CARMIL1: variants seen among roughly 807,000 people sequenced by gnomAD.
CARMIL1 encodes the protein capping protein regulator and myosin 1 linker 1.
A neutral mutation model predicts 177.1 loss-of-function variants in CARMIL1; 90 were observed. That is an observed-to-expected ratio of 0.51 (90% CI 0.43 to 0.61). CARMIL1 has a LOEUF of 0.61. Ranked by LOEUF, CARMIL1 falls within the 20% of genes least tolerant of loss-of-function variation. CARMIL1 has a pLI of 0.00. For synonymous variants in CARMIL1, 577 were observed against 606.2 expected, an observed-to-expected ratio of 0.95 and a Z score of 0.71; for missense variants, 1,380 against 1,667.0, an observed-to-expected ratio of 0.83 and a Z score of 3.00.
chr6:25,572,702 C>CAAA (rs35085655), intron 29 of CARMIL1, among the ~76,000 whole-genome samples: 153 of 53,088 alleles, frequency 2.9e-3, no homozygotes, highest in South Asian at 0.011. Flanking sequence ...GACCTTGTCT[C>CAAA]AAAAAAAAAA....
intron 24 of CARMIL1, among the ~76,000 whole-genome samples, chr6:25,532,831 A>G (rs1423591501): frequency 6.6e-6 from 1 of 152,212 alleles, no homozygotes; most frequent in African/African-American, 2.4e-5. Flanking sequence ...CGTATAGTAA[A>G]TACTTTAGGC....
At chr6:25,478,016 T>C (rs1801736759) in intron 11 of CARMIL1, among the ~76,000 whole-genome samples, 1 of 151,986 alleles carries the variant, frequency 6.6e-6, no homozygotes, top group Admixed American at 6.6e-5. Context: ...CTACCACACC[T>C]GGCTAATTTT....
intron 2 of CARMIL1, among the ~76,000 whole-genome samples, chr6:25,300,683 A>G (rs889452328): frequency 5.9e-5 from 9 of 152,232 alleles, no homozygotes; most frequent in African/African-American, 2.2e-4. Context: ...AAATCAAAGC[A>G]TAGGAGACCT....
chr6:25,532,368 C>T (rs994849459), intron 24 of CARMIL1, among the ~76,000 whole-genome samples: 6 of 152,036 alleles, frequency 3.9e-5, no homozygotes, highest in Admixed American at 3.9e-4. Flanking sequence ...CACACAAGAG[C>T]AGTATGTGGA....
intron 2 of CARMIL1, among the ~76,000 whole-genome samples, chr6:25,388,671 A>T (rs540437422): frequency 1.3e-5 from 2 of 151,164 alleles, no homozygotes; most frequent in African/African-American, 4.9e-5. Context: ...GCCTTTTTTT[A>T]TTTTATTTTA....
intron 2 of CARMIL1, among the ~76,000 whole-genome samples, chr6:25,362,629 G>C (rs9348673): frequency 6.6e-6 from 1 of 152,052 alleles, no homozygotes; most frequent in Non-Finnish European, 1.5e-5. Context: ...AGCTGAGATC[G>C]TGCTATTGCA....
At chr6:25,547,237 T>A (rs1488365631) in intron 26 of CARMIL1, among the ~76,000 whole-genome samples, 1 of 152,136 alleles carries the variant, frequency 6.6e-6, no homozygotes, top group Admixed American at 6.6e-5. Context: ...CAGATGTCAG[T>A]TTTTCCTCAA....
chr6:25,317,561 A>G (rs1429331210), intron 2 of CARMIL1, among the ~76,000 whole-genome samples: 1 of 71,604 alleles, frequency 1.4e-5, no homozygotes, highest in Non-Finnish European at 2.4e-5. Flanking sequence ...TTTACTTAGG[A>G]CTTTTTTTTT....
chr6:25,570,433 G>C (rs569959839), intron 29 of CARMIL1, among the ~76,000 whole-genome samples: 94 of 152,274 alleles, frequency 6.2e-4, no homozygotes, highest in African/African-American at 2.1e-3. Context: ...TAAGAAAAAT[G>C]TATTAAATTT....
chr6:25,593,068 C>T (rs1814473006), intron 31 of CARMIL1, among the ~76,000 whole-genome samples: 1 of 152,146 alleles, frequency 6.6e-6, no homozygotes, highest in South Asian at 2.1e-4. Flanking sequence ...CTGGATTTCC[C>T]ACAATACCTC....
At chr6:25,420,186 C>G in intron 3 of CARMIL1, 22 bp downstream of exon 3, 9 of 1,611,292 alleles carry the variant, frequency 5.6e-6, no homozygotes, top group Non-Finnish European at 7.6e-6. Flanking sequence ...TGAAGTCCTT[C>G]CTTCTGCACT....
chr6:25,495,100 GT>G lies in CARMIL1; in HGVS notation c.1221-4del. ...GTGTAACCGCTTGTGTAACTCTTGT[GT>G]TTTTTTCAGGAAAGGAAAAGAAGTA... On this transcript the variant is annotated splice_polypyrimidine_tract_variant and intron_variant, in intron 15 of 36. Transcript: ENST00000329474. 2 of 1,569,524 alleles carry G rather than the reference GT, an allele frequency of 1.3e-6. No homozygotes were observed. Among genetic ancestry groups the G allele is most frequent in the Non-Finnish European group, 1.8e-6 (2 of 1,141,310 alleles).
intron 35 of CARMIL1, among the ~76,000 whole-genome samples, chr6:25,609,366 T>C (rs982779372): frequency 6.6e-6 from 1 of 151,292 alleles, no homozygotes; most frequent in African/African-American, 2.4e-5. Flanking sequence ...CTTGGGAGGC[T>C]GAGGCAGGAG....
chr6:25,366,961 T>C (rs1298743181), intron 2 of CARMIL1, among the ~76,000 whole-genome samples: 5 of 152,218 alleles, frequency 3.3e-5, no homozygotes, highest in Non-Finnish European at 7.3e-5. Flanking sequence ...CTAGAAATGT[T>C]TATACTTCTG....
rs139979749 is a variant in CARMIL1, at chr6:25,310,380, A to G, written c.138+25471A>G. 8.6e-3 allele frequency among the ~76,000 whole-genome samples: 1,304 copies of G among 152,352 alleles called. 7 individuals are homozygous for G. The highest frequency in any genetic ancestry group is 0.013 in the Non-Finnish European group (900 of 68,038). ...ATAGGTTGAATAGAAAAGTTTTTCA[A>G]ACTGCAGCTGATCACCCATTAGTAG... On this transcript the variant is annotated intron_variant, in intron 2 of 36. Coordinates refer to ENST00000329474, the MANE Select transcript of CARMIL1 (RefSeq NM_017640.6).
chr6:25,350,851 A>T (rs1788042194), intron 2 of CARMIL1: 2 of 152,338 alleles, frequency 1.3e-5, no homozygotes, highest in South Asian at 2.1e-4. Flanking sequence ...ATTAGCTTAG[A>T]GTATTCCCCC....
chr6:25,517,944 C>T (rs1180640059), intron 22 of CARMIL1, among the ~76,000 whole-genome samples: 1 of 152,122 alleles, frequency 6.6e-6, no homozygotes, highest in African/African-American at 2.4e-5. Flanking sequence ...TTTACTTTCC[C>T]AGTAAACTAA....
intron 2 of CARMIL1, among the ~76,000 whole-genome samples, chr6:25,288,954 C>G (rs192555280): frequency 6.6e-6 from 1 of 152,190 alleles, no homozygotes; most frequent in African/African-American, 2.4e-5. Flanking sequence ...GCCATTAATA[C>G]AGCCCTGTGC....
chr6:25,466,789 G>A (rs1488934899), intron 9 of CARMIL1, among the ~76,000 whole-genome samples: 1 of 152,128 alleles, frequency 6.6e-6, no homozygotes, highest in African/African-American at 2.4e-5. Flanking sequence ...GGTAGGGGTG[G>A]CCTAAAACAT....
Sources: gnomAD v4.1 joint callset for allele counts (sites outside exome capture counted in the v4.1 genomes callset) on GRCh38, gnomAD v4.1.1 for gene constraint, MANE v1.5 for transcripts, NCBI Gene and HGNC (gene_info 2026-07-23, HGNC 2026-07-21) for gene names.